Variants in HPD observed in about 807,000 individuals in gnomAD.
HPD encodes the protein 4-hydroxyphenylpyruvate dioxygenase, also known as 4-hydroxyphenylpyruvic acid oxidase.
HPD carries 35 observed loss-of-function variants against 56.9 expected under a neutral mutation model. The ratio of observed to expected loss-of-function variants is 0.62; its 90% CI spans 0.47 to 0.82. The LOEUF (loss-of-function observed/expected upper bound fraction) is 0.82, where lower values mean the gene tolerates loss of function less well. HPD is among the 40% of genes least tolerant of loss of function. HPD has a pLI of 0.00. For missense variants in HPD, 442 were observed against 506.8 expected, an observed-to-expected ratio of 0.87 and a Z score of 1.23; for synonymous variants, 186 against 200.2, an observed-to-expected ratio of 0.93 and a Z score of 0.60.
intron 7 of HPD, among the ~76,000 whole-genome samples, chr12:121,850,426 CA>C (rs138176126): frequency 7.3e-6 from 1 of 137,660 alleles, no homozygotes; most frequent in African/African-American, 2.7e-5. Context: ...GACTCCGTCT[CA>C]AAAAAAAAAT....
chr12:121,884,544 G>A, the HPD span, among the ~76,000 whole-genome samples: 4 of 151,732 alleles, frequency 2.6e-5, no homozygotes, highest in Admixed American at 6.6e-5. Context: ...TGGACTCAAG[G>A]GATCCTCCTG....
chr12:121,873,196 C>G, the HPD span, among the ~76,000 whole-genome samples: 1 of 152,216 alleles, frequency 6.6e-6, no homozygotes, highest in Admixed American at 6.6e-5. Context: ...GCAGACATTG[C>G]ATCCCTGTGG....
In HPD at chr12:121,839,623, G is replaced by A. The variant is rs1313443823; in HGVS notation, c.*105C>T. 6 of 853,064 alleles carry A rather than the reference G, an allele frequency of 7.0e-6. No individual in the cohort carries two copies. The African/African-American group carries it at 8.3e-5, about 12-fold the overall frequency. 52.8% of individuals were successfully genotyped at this position (853,064 alleles called of 1,614,324 possible). ...GGGCGGAGCCTTGGGGGCCGAGTCC[G>A]CTGGTGGGCGGGACCCAAGGGGAGC... On this transcript the variant is annotated 3_prime_UTR_variant, in exon 14 of 14. Transcript: ENST00000289004.
At chr12:121,855,410 T>A (rs1279049215) in intron 6 of HPD, among the ~76,000 whole-genome samples, 1 of 152,016 alleles carries the variant, frequency 6.6e-6, no homozygotes, top group Non-Finnish European at 1.5e-5. Context: ...TGGTTTAGAG[T>A]TGTGCTCAAG....
intron 12 of HPD, among the ~76,000 whole-genome samples, chr12:121,843,282 A>G (rs2707058): frequency 0.08 from 12,180 of 152,202 alleles, 1,054 homozygotes; most frequent in African/African-American, 0.22. Context: ...TCGCTCAAAA[A>G]CAGCCTCCCA....
At chr12:121,846,781 G>A (rs915720759) in intron 11 of HPD, 81 bp downstream of exon 11, 52 of 1,360,626 alleles carry the variant, frequency 3.8e-5, no homozygotes, top group Middle Eastern at 2.0e-4. Flanking sequence ...CAGGACTGCC[G>A]CCACCCGCCC....
rs530688329 is a variant in HPD at position 121,844,265 on chromosome 12, G to A, written c.832-433C>T. The stretch of plus-strand genomic sequence containing the variant: ...TCACCATGTTAGCCAGGTTGGTCTC[G>A]AACTCCTGACCTCAGGCGATCCACC... On this transcript the variant is annotated intron_variant, in intron 11 of 13. Transcript: ENST00000289004. Among the ~76,000 whole-genome samples the A allele has an allele frequency of 1.7e-4, 26 of 151,940 alleles. 1 individual carries two copies. The East Asian group carries it at 3.7e-3, about 22-fold the overall frequency.
At chr12:121,855,681 C>T (rs1344994526) in intron 6 of HPD, among the ~76,000 whole-genome samples, 1 of 151,550 alleles carries the variant, frequency 6.6e-6, no homozygotes, top group African/African-American at 2.4e-5. Context: ...TGCGCCACTG[C>T]TCTCCAGCCT....
At chr12:121,882,029 G>A in the HPD span, among the ~76,000 whole-genome samples, 6 of 151,396 alleles carry the variant, frequency 4.0e-5, no homozygotes, top group African/African-American at 1.5e-4. Flanking sequence ...TGATCCTCCC[G>A]CCTAGGCCTC....
the HPD span, among the ~76,000 whole-genome samples, chr12:121,876,225 C>T: frequency 6.6e-6 from 1 of 152,078 alleles, no homozygotes. Context: ...GCAGGAGAAT[C>T]GCTGGAACCC....
At chr12:121,881,749 C>T in the HPD span, among the ~76,000 whole-genome samples, 2 of 150,816 alleles carry the variant, frequency 1.3e-5, no homozygotes, top group African/African-American at 4.8e-5. Flanking sequence ...CGGGTTCAAG[C>T]GATTCTCCTG....
the HPD span, among the ~76,000 whole-genome samples, chr12:121,880,279 T>A: frequency 6.6e-6 from 1 of 152,076 alleles, no homozygotes; most frequent in Non-Finnish European, 1.5e-5. Context: ...CTCGGCTCAT[T>A]GCAACCTCTG....
At chr12:121,856,742 A>T (rs1878016865) in intron 4 of HPD, 117 bp from the exon 5 acceptor site, 4 of 938,884 alleles carry the variant, frequency 4.3e-6, no homozygotes, top group African/African-American at 1.6e-5. Context: ...GAACTCCTGG[A>T]CCTGGGTTCT....
At chr12:121,876,887 A>G in the HPD span, among the ~76,000 whole-genome samples, 1 of 152,006 alleles carries the variant, frequency 6.6e-6, no homozygotes, top group African/African-American at 2.4e-5. Context: ...TGAGGTCAGG[A>G]GTTCGAGACC....
chr12:121,858,994 G>A (rs951712527), upstream of HPD: 8 of 713,322 alleles, frequency 1.1e-5, no homozygotes, highest in South Asian at 3.1e-5. Context: ...TGATCCAGCC[G>A]CAGCCTCATT....
At chr12:121,855,724 C>T (rs958344725) in intron 6 of HPD, among the ~76,000 whole-genome samples, 6 of 150,076 alleles carry the variant, frequency 4.0e-5, no homozygotes, top group Non-Finnish European at 7.4e-5. Context: ...CACACACACA[C>T]ACACAAAAGA....
upstream of HPD, among the ~76,000 whole-genome samples, chr12:121,864,365 C>A (rs113315889): frequency 0.072 from 10,832 of 150,762 alleles, 770 homozygotes; most frequent in African/African-American, 0.18. Context: ...CCAACCTGGG[C>A]AACCTAGTGA....
intron 5 of HPD, 87 bp downstream of exon 5, chr12:121,856,496 A>G (rs1014779773): frequency 1.1e-5 from 17 of 1,588,562 alleles, no homozygotes; most frequent in Non-Finnish European, 1.4e-5. Flanking sequence ...CTGAACCCAG[A>G]GCCCACCCAC....
chr12:121,844,836 G>A (rs771952829), intron 11 of HPD, among the ~76,000 whole-genome samples: 6 of 151,774 alleles, frequency 4.0e-5, no homozygotes, highest in Non-Finnish European at 7.4e-5. Context: ...AGCCGAGATC[G>A]CGTCACTGCA....
Sources: allele counts gnomAD v4.1 joint callset (sites outside exome capture counted in the v4.1 genomes callset), GRCh38; gene constraint gnomAD v4.1.1; transcripts MANE v1.5; gene names NCBI Gene and HGNC (gene_info 2026-07-23, HGNC 2026-07-21).